The following TRANK1 variants were observed in gnomAD, a reference collection of about 807,000 sequenced individuals.
The protein encoded by TRANK1 is tetratricopeptide repeat and ankyrin repeat containing 1, also known as TPR and ankyrin repeat-containing protein 1.
TRANK1 carries 198 observed loss-of-function variants against 266.0 expected under a neutral mutation model. The observed-to-expected ratio is 0.74, with a 90% CI of 0.66 to 0.84. The LOEUF is 0.84. Among genes scored for constraint, TRANK1 ranks in the 40% least tolerant of loss-of-function variants. The probability of loss-of-function intolerance (pLI) is 0.00; values close to 1 mark genes in which losing one functional copy is unlikely to be tolerated. For missense variants in TRANK1, 3,326 were observed against 3,634.6 expected (o/e 0.92, Z 2.18); for synonymous variants, 1,396 against 1,384.1 (o/e 1.01, Z -0.19).
intron 20 of TRANK1, among the ~76,000 whole-genome samples, chr3:36,837,318 A>T (rs1257940789): frequency 6.6e-6 from 1 of 152,130 alleles, no homozygotes; most frequent in East Asian, 1.9e-4. Context: ...TCCCATAATA[A>T]ACATGGAACA....
chr3:36,874,501 T>C (rs1005329039), intron 8 of TRANK1, among the ~76,000 whole-genome samples: 1 of 151,980 alleles, frequency 6.6e-6, no homozygotes, highest in Non-Finnish European at 1.5e-5. Context: ...GGAAGGACAA[T>C]AGCTTTCAAG....
intron 15 of TRANK1, among the ~76,000 whole-genome samples, chr3:36,849,047 G>A (rs1311829434): frequency 1.3e-5 from 2 of 152,178 alleles, no homozygotes; most frequent in Non-Finnish European, 2.9e-5. Context: ...CAGGCCTACA[G>A]CACTTGGGGG....
intron 9 of TRANK1, among the ~76,000 whole-genome samples, chr3:36,867,679 C>T (rs769326540): frequency 3.3e-5 from 5 of 152,172 alleles, no homozygotes; most frequent in African/African-American, 1.2e-4. Context: ...AAGATGACTA[C>T]GTAAGTACTG....
At chr3:36,911,207 T>C (rs746628730) in intron 1 of TRANK1, among the ~76,000 whole-genome samples, 3 of 151,878 alleles carry the variant, frequency 2.0e-5, no homozygotes, top group African/African-American at 4.8e-5. Context: ...ATGAAAAATA[T>C]AGGCCTATAA....
intron 2 of TRANK1, among the ~76,000 whole-genome samples, chr3:36,905,592 T>A (rs1254590369): frequency 6.6e-6 from 1 of 152,164 alleles, no homozygotes; most frequent in Admixed American, 6.5e-5. Flanking sequence ...TCTGTGCTAT[T>A]TTGTTATGGT....
At chr3:36,944,534 G>A (rs1319560894) in intron 1 of TRANK1, among the ~76,000 whole-genome samples, 9 of 152,304 alleles carry the variant, frequency 5.9e-5, no homozygotes, top group African/African-American at 2.2e-4. Flanking sequence ...GCCGCGCGCC[G>A]CCGCAGTCCT....
At position 36,833,372 on chromosome 3, in the gene TRANK1, T is replaced by C. The variant is rs375053617; in HGVS notation, c.6211A>G (p.Ser2071Gly). ...GVVEALYEAA[S>G]QCEAEPEKIL... ...TTCTCAGGCTCGGCCTCACACTGGC[T>C]GGCTGCTTCGTAGAGTGCTTCCACC... is the stretch of plus-strand genomic sequence containing the variant. Residue 2071 changes from serine (S) to glycine (G), a missense_variant, in exon 22 of 24, where the codon AGC becomes GGC. Coordinates refer to ENST00000645898, the MANE Select transcript of TRANK1 (RefSeq NM_001329998.2). 1 of 1,613,764 alleles carries C rather than the reference T, an allele frequency of 6.2e-7. No homozygotes were observed. Among genetic ancestry groups the C allele is most frequent in the African/African-American group, 1.3e-5 (1 of 74,928 alleles).
rs533187656 is a variant in TRANK1, at chr3:36,840,059, G to T, written c.5281-1343C>A. Among the ~76,000 whole-genome samples, 5 of 152,234 alleles carry T rather than the reference G, an allele frequency of 3.3e-5. No homozygotes were observed. In the East Asian group the frequency reaches 9.6e-4, roughly 29 times the overall value. ...GATTTTAGATTCAAATATTCAAAAG[G>T]TATTTTTAAAGCGATAAATAATTGG... On this transcript the variant is annotated intron_variant, in intron 18 of 23. Transcript: ENST00000645898.
At chr3:36,867,926 C>A (rs578159695) in intron 9 of TRANK1, among the ~76,000 whole-genome samples, 50 of 152,346 alleles carry the variant, frequency 3.3e-4, no homozygotes, top group Middle Eastern at 3.4e-3. Context: ...CATGGATTTT[C>A]TCTAAGTACT....
Position 36,892,235 on chromosome 3 carries a change from G to A in TRANK1, c.742C>T (p.Leu248Phe), listed in dbSNP as rs1305532304. 6.5e-7 allele frequency: 1 copy of A among 1,537,094 alleles called. No individual in the cohort carries two copies. The highest frequency in any genetic ancestry group is 8.7e-7 in the Non-Finnish European group (1 of 1,146,818). The change falls in exon 7 of 24, where the codon CTT (leucine) becomes TTT (phenylalanine). Residue 248 changes from leucine (L) to phenylalanine (F), a missense_variant. Leu to Phe is a conservative substitution (Grantham distance 22). Coordinates refer to ENST00000645898, the MANE Select transcript of TRANK1 (RefSeq NM_001329998.2). ...ASVETIGPYP[L>F]HALMRLCIQA... ...ATACAGAGTCGCATGAGGGCATGAA[G>A]GGGATACGGTCCTATAGTCTCAACA...
Position 36,852,305 on chromosome 3 carries a change from C to T in TRANK1, c.4590G>A (p.Gln1530=), listed in dbSNP as rs749730637. Residue 1530 remains glutamine (Q), a synonymous_variant, in exon 14 of 24, where the codon CAG becomes CAA. Transcript: ENST00000645898. ...GATCAAAAGATTCTGGGAAATAGAA[C>T]TGAAGTAAATCCACCACTCCAGATG... ...NLASGVVDLL[Q]FYFPESFDRL... The T allele has an allele frequency of 3.1e-6, 5 of 1,606,386 alleles. No homozygotes were observed. The Admixed American group carries it at 6.9e-5, about 22-fold the overall frequency.
chr3:36,900,726 GT>G (rs2079862325), intron 3 of TRANK1, among the ~76,000 whole-genome samples: 1 of 151,184 alleles, frequency 6.6e-6, no homozygotes, highest in Non-Finnish European at 1.5e-5. Flanking sequence ...AAAAAAATTT[GT>G]TTTCATTAGC....
Position 36,857,724 on chromosome 3 carries a change from C to T in TRANK1, c.1998G>A (p.Lys666=). 1 of 1,614,022 alleles carries T rather than the reference C, an allele frequency of 6.2e-7. No homozygotes were observed. Among genetic ancestry groups the T allele is most frequent in the Non-Finnish European group, 8.5e-7 (1 of 1,179,896 alleles). The change falls in exon 13 of 24, where the codon AAG becomes AAA. Residue 666 remains lysine (K), a synonymous_variant. Coordinates refer to ENST00000645898, the MANE Select transcript of TRANK1 (RefSeq NM_001329998.2). This position sits in a 1 kb window ranked among gnomAD's most constrained non-coding sequence, Gnocchi z 4.3. The part of the protein sequence containing the change: ...SRQDSAAHLG[K]LSKSTAPGHT... ...GACCAGGGGCAGTGGACTTTGAGAG[C>T]TTCCCCAGGTGGGCAGCAGAGTCCT...
chr3:36,888,153 T>C (rs2079634586), intron 8 of TRANK1, among the ~76,000 whole-genome samples: 1 of 152,250 alleles, frequency 6.6e-6, no homozygotes, highest in Non-Finnish European at 1.5e-5. Context: ...AATAGACTAT[T>C]ATTTGGCAAT....
rs138198488 is a variant in TRANK1 at position 36,900,851 on chromosome 3, C to CA, written c.283-1593dup. ...TGGGTGACAAAGCAAGACCCTGTCT[C>CA]AAAAAAAAAAAAAAAAAAAAAAAAA... On this transcript the variant is annotated intron_variant, in intron 3 of 23. Coordinates refer to ENST00000645898, the MANE Select transcript of TRANK1 (RefSeq NM_001329998.2). 3.1e-3 allele frequency among the ~76,000 whole-genome samples: 194 copies of CA among 62,990 alleles called. 6 individuals carry two copies. Among genetic ancestry groups the CA allele is most frequent in the African/African-American group, 7.8e-3 (141 of 18,034 alleles). The allele number at this position is 62,990 out of a possible 152,430, so 41.3% of individuals were successfully genotyped here.
chr3:36,851,904 A>G, intron 14 of TRANK1, 48 bp from the exon 15 acceptor site: 3 of 1,544,946 alleles, frequency 1.9e-6, no homozygotes, highest in Non-Finnish European at 2.6e-6. Context: ...AAACCCCAGT[A>G]AGCCTCAGTC....
chr3:36,882,565 T>G (rs2079546910), intron 8 of TRANK1, among the ~76,000 whole-genome samples: 1 of 152,212 alleles, frequency 6.6e-6, no homozygotes, highest in African/African-American at 2.4e-5. Flanking sequence ...AAAATACAGG[T>G]GAATTCTTCT....
intron 2 of TRANK1, among the ~76,000 whole-genome samples, chr3:36,904,301 C>T (rs1363784952): frequency 6.6e-6 from 1 of 151,750 alleles, no homozygotes; most frequent in Non-Finnish European, 1.5e-5. Context: ...GAGGCCGAGG[C>T]CGAGGCGAGG....
chr3:36,834,838 T>C lies in TRANK1; in HGVS notation c.5587A>G (p.Ile1863Val). The change falls in exon 21 of 24, where the codon ATT (isoleucine) becomes GTT (valine). Residue 1863 changes from isoleucine to valine, a missense_variant. Ile to Val is a conservative substitution (Grantham distance 29, BLOSUM62 3). Transcript: ENST00000645898. ...YKDAFRCFEQ[I>V]QEFDLALKMY... is the part of the protein sequence containing the mutation. ...TTGAGTGCTAGATCAAATTCCTGAA[T>C]CTGCTCAAAGCATCTGAAAGCGTCT... The C allele has an allele frequency of 6.2e-7, 1 of 1,613,800 alleles. No homozygotes were observed. Among genetic ancestry groups the C allele is most frequent in the South Asian group, 1.1e-5 (1 of 91,034 alleles).
Sources: allele counts gnomAD v4.1 joint callset (sites outside exome capture counted in the v4.1 genomes callset), GRCh38; gene constraint gnomAD v4.1.1; non-coding constraint Gnocchi (gnomAD v3.1); transcripts MANE v1.5; gene names NCBI Gene and HGNC (gene_info 2026-07-23, HGNC 2026-07-21).